Variants in EYA1 observed in about 807,000 individuals in gnomAD.
EYA1 encodes the protein protein phosphatase EYA1.
Under a neutral mutation model 82.0 loss-of-function variants are expected in EYA1, and 16 were observed. The ratio of observed to expected loss-of-function variants is 0.20; its 90% CI spans 0.13 to 0.30. EYA1 has a LOEUF of 0.30. EYA1 is among the 10% of genes least tolerant of loss of function. The probability of loss-of-function intolerance (pLI) is 1.00; values close to 1 mark genes in which losing one functional copy is unlikely to be tolerated. For synonymous variants in EYA1, 261 were observed against 264.4 expected, an observed-to-expected ratio of 0.99 and a Z score of 0.12; for missense variants, 633 against 730.7, an observed-to-expected ratio of 0.87 and a Z score of 1.54.
At chr8:71,495,514 A>G (rs1811349283) in intron 2 of EYA1, among the ~76,000 whole-genome samples, 1 of 152,180 alleles carries the variant, frequency 6.6e-6, no homozygotes, top group Non-Finnish European at 1.5e-5. Flanking sequence ...CGGGAGGCTG[A>G]GGCAGAAGAA....
intron 9 of EYA1, among the ~76,000 whole-genome samples, chr8:71,284,401 T>C (rs558088294): frequency 1.3e-5 from 2 of 152,348 alleles, no homozygotes; most frequent in South Asian, 4.1e-4. Flanking sequence ...AATTTCACCA[T>C]AGTGGACAGA....
intron 2 of EYA1, among the ~76,000 whole-genome samples, chr8:71,369,087 C>T (rs1203230524): frequency 1.3e-5 from 2 of 150,040 alleles, no homozygotes; most frequent in East Asian, 2.0e-4. Flanking sequence ...CCTGTAATCC[C>T]AGCTACTCAG....
At chr8:71,498,266 A>G (rs1413455757) in intron 2 of EYA1, among the ~76,000 whole-genome samples, 3 of 152,222 alleles carry the variant, frequency 2.0e-5, no homozygotes, top group Non-Finnish European at 4.4e-5. Context: ...GGAGTTCCTC[A>G]TTCCACAATG....
At chr8:71,503,231 C>T (rs1305559237) in intron 2 of EYA1, among the ~76,000 whole-genome samples, 2 of 152,118 alleles carry the variant, frequency 1.3e-5, no homozygotes, top group African/African-American at 4.8e-5. Flanking sequence ...TGCGGTGGCT[C>T]ATGCCTGTAA....
chr8:71,232,316 G>T (rs574654029), intron 12 of EYA1, among the ~76,000 whole-genome samples: 13 of 152,210 alleles, frequency 8.5e-5, no homozygotes, highest in Non-Finnish European at 1.8e-4. Flanking sequence ...CCTGAGAAGG[G>T]GAGGCTCTGC....
At chr8:71,257,135 AATGAATTCCTAAATACAT>A (rs1814537903) in intron 11 of EYA1, among the ~76,000 whole-genome samples, 1 of 152,190 alleles carries the variant, frequency 6.6e-6, no homozygotes, top group Non-Finnish European at 1.5e-5. Flanking sequence ...CTATTCTTTT[AATGAATTCCTAAATACAT>A]ACTCAACTCT....
At chr8:71,386,767 G>T (rs151302618) in intron 2 of EYA1, among the ~76,000 whole-genome samples, 2 of 152,338 alleles carry the variant, frequency 1.3e-5, no homozygotes, top group East Asian at 3.9e-4. Flanking sequence ...GAAATTGCTT[G>T]CTCATGCCTA....
chr8:71,529,579 A>C (rs1386484222), intron 2 of EYA1: 1 of 152,164 alleles, frequency 6.6e-6, no homozygotes, highest in Non-Finnish European at 1.5e-5. Context: ...CCAATAGCCA[A>C]CTATTGGGTG....
chr8:71,354,751 C>T (rs1024534015), intron 3 of EYA1, 31 bp downstream of exon 3: 30 of 1,607,506 alleles, frequency 1.9e-5, no homozygotes, highest in African/African-American at 2.7e-5. Context: ...AAACAAGGTG[C>T]AAAGTAAATA....
chr8:71,421,497 A>G (rs1306372025), intron 2 of EYA1, among the ~76,000 whole-genome samples: 1 of 152,230 alleles, frequency 6.6e-6, no homozygotes, highest in Non-Finnish European at 1.5e-5. Flanking sequence ...CCAAGTTGCC[A>G]AGAGGAATTT....
In EYA1 at chr8:71,348,676, G is replaced by T. The variant is rs116820050; in HGVS notation, c.124+6106C>A. Among the ~76,000 whole-genome samples, 1,192 of 152,146 alleles carry T rather than the reference G, an allele frequency of 7.8e-3. 15 individuals carry two copies. Among genetic ancestry groups the T allele is most frequent in the African/African-American group, 0.026 (1,070 of 41,506 alleles). ...TCTGCCACCCTACAAGGCTCACACG[G>T]GCCACCCCTCTATTCCTCTAACTTT... On this transcript the variant is annotated intron_variant, in intron 3 of 17. Coordinates refer to ENST00000340726, the MANE Select transcript of EYA1 (RefSeq NM_000503.6).
At chr8:71,445,665 C>T (rs543931015) in intron 2 of EYA1, among the ~76,000 whole-genome samples, 2 of 152,272 alleles carry the variant, frequency 1.3e-5, no homozygotes, top group East Asian at 3.9e-4. Flanking sequence ...GAGACTGAGT[C>T]TCACTCTGTC....
intron 16 of EYA1, among the ~76,000 whole-genome samples, chr8:71,213,802 T>C (rs1342213739): frequency 6.6e-6 from 1 of 152,228 alleles, no homozygotes; most frequent in Non-Finnish European, 1.5e-5. Context: ...TGTGCCGCTA[T>C]TGACGCACGT....
chr8:71,246,361 C>A (rs1463743147), intron 11 of EYA1, among the ~76,000 whole-genome samples: 1 of 152,226 alleles, frequency 6.6e-6, no homozygotes, highest in Non-Finnish European at 1.5e-5. Flanking sequence ...TGCCATGTGT[C>A]ATGATATGTG....
chr8:71,322,381 AT>A (rs1439811732), intron 4 of EYA1, 113 bp from the exon 5 acceptor site: 1 of 915,860 alleles, frequency 1.1e-6, no homozygotes, highest in Non-Finnish European at 1.8e-6. Context: ...AATTTCAGAT[AT>A]TTGGTCTTTG....
intron 7 of EYA1, among the ~76,000 whole-genome samples, chr8:71,316,270 ATACTT>A (rs1416739103): frequency 2.6e-5 from 4 of 152,168 alleles, no homozygotes; most frequent in African/African-American, 9.6e-5. Context: ...TAGAAATTCT[ATACTT>A]AAACTTATTC....
intron 2 of EYA1, among the ~76,000 whole-genome samples, chr8:71,373,507 G>A (rs921316463): frequency 6.6e-6 from 1 of 151,962 alleles, no homozygotes; most frequent in Non-Finnish European, 1.5e-5. Context: ...TAAATGAAAA[G>A]GTATCTTGTG....
At chr8:71,396,684 A>G (rs1013497877) in intron 2 of EYA1, among the ~76,000 whole-genome samples, 2 of 152,262 alleles carry the variant, frequency 1.3e-5, no homozygotes, top group East Asian at 3.9e-4. Context: ...GTTCTTTCAC[A>G]TTTGCAGAGG....
At chr8:71,353,390 ATAATT>A (rs1221579273) in intron 3 of EYA1, among the ~76,000 whole-genome samples, 1 of 152,242 alleles carries the variant, frequency 6.6e-6, no homozygotes, top group Non-Finnish European at 1.5e-5. Context: ...TTTCCTATAA[ATAATT>A]TAAGTTTCTC....
Sources: gnomAD v4.1 joint callset for allele counts (sites outside exome capture counted in the v4.1 genomes callset) on GRCh38, gnomAD v4.1.1 for gene constraint, MANE v1.5 for transcripts, NCBI Gene and HGNC (gene_info 2026-07-23, HGNC 2026-07-21) for gene names.